ERN1: variants seen among roughly 807,000 people sequenced by gnomAD.
ERN1 encodes the protein endoplasmic reticulum to nucleus signaling 1, also known as serine/threonine-protein kinase/endoribonuclease IRE1.
Under a neutral mutation model 113.1 loss-of-function variants are expected in ERN1, and 39 were observed. The ratio of observed to expected loss-of-function variants is 0.34; its 90% confidence interval spans 0.27 to 0.45. The LOEUF (loss-of-function observed/expected upper bound fraction) is 0.45, where lower values mean the gene tolerates loss of function less well. Ranked by LOEUF, ERN1 falls within the 20% of genes least tolerant of loss-of-function variation. The probability of loss-of-function intolerance (pLI) is 1.00; values close to 1 mark genes in which losing one functional copy is unlikely to be tolerated. For synonymous variants in ERN1, 507 were observed against 515.9 expected, an observed-to-expected ratio of 0.98 and a Z score of 0.23; for missense variants, 976 against 1,274.8, an observed-to-expected ratio of 0.77 and a Z score of 3.57.
At chr17:64,056,649 A>G (rs1007158943) in intron 12 of ERN1, among the ~76,000 whole-genome samples, 1 of 152,198 alleles carries the variant, frequency 6.6e-6, no homozygotes, top group African/African-American at 2.4e-5. Flanking sequence ...CATGTGCAGG[A>G]GGTGGACTGA....
intron 1 of ERN1, among the ~76,000 whole-genome samples, chr17:64,107,261 G>A (rs1333544331): frequency 1.3e-5 from 2 of 152,062 alleles, no homozygotes; most frequent in African/African-American, 4.8e-5. Flanking sequence ...CGCTCACAAA[G>A]GACTATCTTT....
intron 1 of ERN1, among the ~76,000 whole-genome samples, chr17:64,128,195 G>A (rs1181179107): frequency 7.4e-6 from 1 of 134,782 alleles, no homozygotes; most frequent in African/African-American, 2.9e-5. Context: ...ATGTTTAGTA[G>A]AGACAAGGTT....
intron 1 of ERN1, among the ~76,000 whole-genome samples, chr17:64,113,125 C>T (rs769735903): frequency 6.6e-5 from 10 of 152,150 alleles, no homozygotes; most frequent in Non-Finnish European, 4.4e-5. Context: ...TAGTTGGTTC[C>T]CTGGCTATCT....
intron 1 of ERN1, among the ~76,000 whole-genome samples, chr17:64,113,507 C>T (rs541355139): frequency 2.6e-5 from 4 of 151,928 alleles, no homozygotes; most frequent in East Asian, 1.9e-4. Flanking sequence ...TTGCCCTTTA[C>T]GTAAATCTTT....
chr17:64,093,635 C>T (rs1467407061), intron 2 of ERN1, among the ~76,000 whole-genome samples: 1 of 152,152 alleles, frequency 6.6e-6, no homozygotes, highest in East Asian at 1.9e-4. Context: ...GAGCTCTGGT[C>T]TCTCCCTTCT....
At chr17:64,110,491 G>C (rs187112761) in intron 1 of ERN1, among the ~76,000 whole-genome samples, 45 of 152,282 alleles carry the variant, frequency 3.0e-4, no homozygotes, top group Admixed American at 2.7e-3. Context: ...CTTTGATGAA[G>C]ACGATGATAA....
At chr17:64,090,326 T>C (rs910304476) in intron 2 of ERN1, among the ~76,000 whole-genome samples, 4 of 152,190 alleles carry the variant, frequency 2.6e-5, no homozygotes, top group Non-Finnish European at 5.9e-5. Flanking sequence ...GACCAAGTAA[T>C]CCGGAAAACT....
At chr17:64,116,680 C>CA (rs1391584330) in intron 1 of ERN1, among the ~76,000 whole-genome samples, 36 of 151,940 alleles carry the variant, frequency 2.4e-4, no homozygotes, top group Non-Finnish European at 4.4e-5. Context: ...CACACAAACA[C>CA]ACCCATTTGT....
intron 1 of ERN1, chr17:64,102,827 G>A (rs1221772089): frequency 5.6e-5 from 55 of 985,294 alleles, no homozygotes; most frequent in Non-Finnish European, 6.1e-5. Flanking sequence ...AGAAAATGTC[G>A]AGTCTGCAGA....
chr17:64,094,620 T>A (rs1598075753), intron 2 of ERN1, among the ~76,000 whole-genome samples: 1 of 148,630 alleles, frequency 6.7e-6, no homozygotes, highest in Non-Finnish European at 1.5e-5. Context: ...GACACTCCCA[T>A]CCTTTCTTTT....
chr17:64,098,989 C>T (rs868012738), intron 1 of ERN1, among the ~76,000 whole-genome samples: 1 of 152,076 alleles, frequency 6.6e-6, no homozygotes, highest in Non-Finnish European at 1.5e-5. Context: ...AGTTTTTGAT[C>T]CTGTAATTCC....
chr17:64,079,645 C>A lies in ERN1; in HGVS notation c.282+17G>T. On this transcript the variant is annotated intron_variant, in intron 4 of 21. Coordinates refer to ENST00000433197, the MANE Select transcript of ERN1 (RefSeq NM_001433.5). ...TCTAGAACCCCTGGAGTACAAAAAG[C>A]AGCTAAATATACTCACCGTCAGGCC... 6.2e-7 allele frequency: 1 copy of A among 1,606,670 alleles called. No individual in the cohort carries two copies. Among genetic ancestry groups the A allele is most frequent in the South Asian group, 1.1e-5 (1 of 90,924 alleles).
chr17:64,096,451 A>G (rs964147640), intron 2 of ERN1, among the ~76,000 whole-genome samples: 5 of 152,210 alleles, frequency 3.3e-5, no homozygotes, highest in Non-Finnish European at 5.9e-5. Flanking sequence ...ATTCTACATT[A>G]TGGTGAGTTG....
At chr17:64,119,087 A>G (rs1400201523) in intron 1 of ERN1, among the ~76,000 whole-genome samples, 1 of 152,182 alleles carries the variant, frequency 6.6e-6, no homozygotes, top group Non-Finnish European at 1.5e-5. Context: ...AGGAGCCTGG[A>G]AAACAACATT....
At chr17:64,117,963 TAAAATATGTAC>T (rs1914855470) in intron 1 of ERN1, among the ~76,000 whole-genome samples, 1 of 152,180 alleles carries the variant, frequency 6.6e-6, no homozygotes, top group African/African-American at 2.4e-5. Flanking sequence ...GTGCTTGGCA[TAAAATATGTAC>T]TCAAAAAGTT....
At chr17:64,129,354 AG>A (rs1365420610) in intron 1 of ERN1, 2 of 154,288 alleles carry the variant, frequency 1.3e-5, no homozygotes, top group East Asian at 1.9e-4. Context: ...CACTTGCTCA[AG>A]GAAGTCTCGG....
At chr17:64,113,623 C>T (rs1018478838) in intron 1 of ERN1, among the ~76,000 whole-genome samples, 2 of 151,788 alleles carry the variant, frequency 1.3e-5, no homozygotes, top group Admixed American at 1.3e-4. Flanking sequence ...AATTTTCCCG[C>T]CTCAGCCTCT....
Position 64,075,220 on chromosome 17 carries a change from C to T in ERN1, c.310G>A (p.Val104Met). ...TKLPFTIPELVQASPCRSSDG... is the reference protein window; with the variant it reads ...TKLPFTIPELMQASPCRSSDG... ...GAACTTCGGCATGGGGATGCCTGCACCAATTCTGGGATGGTAAAAGGAAGT... is the reference window on the plus strand; with the variant it reads ...GAACTTCGGCATGGGGATGCCTGCATCAATTCTGGGATGGTAAAAGGAAGT... Residue 104 changes from valine (V) to methionine (M), a missense_variant, in exon 5 of 22, where the codon GTG becomes ATG. Physicochemically the swap from Val to Met is conservative, Grantham distance 21 (BLOSUM62 1). Coordinates refer to ENST00000433197, the MANE Select transcript of ERN1 (RefSeq NM_001433.5). 6.8e-7 allele frequency: 1 copy of T among 1,478,128 alleles called. No homozygotes were observed. Among genetic ancestry groups the T allele is most frequent in the Non-Finnish European group, 9.0e-7 (1 of 1,111,174 alleles). 91.6% of individuals were successfully genotyped at this position (1,478,128 alleles called of 1,614,324 possible). A position where few individuals can be genotyped will look rare whatever the true frequency, so the allele number is the denominator to read the frequency against.
intron 1 of ERN1, among the ~76,000 whole-genome samples, chr17:64,121,081 C>T (rs551286154): frequency 6.6e-6 from 1 of 152,160 alleles, no homozygotes; most frequent in Non-Finnish European, 1.5e-5. Context: ...CACCTTCCTT[C>T]CCCCCTTGCT....
Sources: gnomAD v4.1 joint callset for allele counts (sites outside exome capture counted in the v4.1 genomes callset) on GRCh38, gnomAD v4.1.1 for gene constraint, MANE v1.5 for transcripts, NCBI Gene and HGNC (gene_info 2026-07-23, HGNC 2026-07-21) for gene names.